GALNTL6: variants seen among roughly 807,000 people sequenced by gnomAD.
The protein encoded by GALNTL6 is polypeptide N-acetylgalactosaminyltransferase like 6.
GALNTL6 carries 46 observed loss-of-function variants against 73.7 expected under a neutral mutation model. That is an observed-to-expected ratio of 0.62 (90% CI 0.49 to 0.80). The LOEUF (loss-of-function observed/expected upper bound fraction) is 0.80, where lower values mean the gene tolerates loss of function less well. GALNTL6 is among the 30% of genes least tolerant of loss of function. The probability of loss-of-function intolerance (pLI) is 0.00; values close to 1 mark genes in which losing one functional copy is unlikely to be tolerated. For missense variants in GALNTL6, 604 were observed against 755.0 expected (o/e 0.80, Z 2.34); for synonymous variants, 259 against 263.7 (o/e 0.98, Z 0.17).
At chr4:172,806,139 A>G (rs2110975854) in intron 5 of GALNTL6, among the ~76,000 whole-genome samples, 1 of 152,274 alleles carries the variant, frequency 6.6e-6, no homozygotes, top group South Asian at 2.1e-4. Context: ...ATCATGAGTT[A>G]TAGGTAATTG....
chr4:172,964,556 A>C (rs1007654933), intron 10 of GALNTL6, among the ~76,000 whole-genome samples: 4 of 152,178 alleles, frequency 2.6e-5, no homozygotes, highest in African/African-American at 4.8e-5. Flanking sequence ...CCTCAAGATT[A>C]ATGTCACCCC....
intron 12 of GALNTL6, among the ~76,000 whole-genome samples, chr4:173,028,550 AC>A (rs1366268572): frequency 6.6e-6 from 1 of 151,628 alleles, no homozygotes; most frequent in African/African-American, 2.4e-5. Context: ...TAGCCCCCTC[AC>A]CCCCGCCAAC....
intron 3 of GALNTL6, among the ~76,000 whole-genome samples, chr4:172,232,187 T>A (rs1737096223): frequency 6.6e-6 from 1 of 152,076 alleles, no homozygotes; most frequent in South Asian, 2.1e-4. Flanking sequence ...AGGAAAAGGA[T>A]CATTTGTGCC....
chr4:171,845,558 G>A (rs918909734), intron 2 of GALNTL6, among the ~76,000 whole-genome samples: 1 of 152,132 alleles, frequency 6.6e-6, no homozygotes, highest in Non-Finnish European at 1.5e-5. Context: ...CTAATGGAAC[G>A]TGAGCATAAG....
rs5864143 is a variant in GALNTL6 at position 172,653,224 on chromosome 4, C to CTTTT, written c.554-156128_554-156125dup. Among the ~76,000 whole-genome samples the CTTTT allele has an allele frequency of 1.9e-3, 267 of 143,702 alleles. 3 individuals are homozygous for CTTTT. The highest frequency in any genetic ancestry group is 6.5e-3 in the African/African-American group (255 of 38,960). The allele number at this position is 143,702 out of a possible 152,430, so 94.3% of individuals were successfully genotyped here. Reference sequence around the variant, plus strand: ...TGTTATCTTTCTATTTCTCTTCTTCCTTTTTTTTTTTTGAGACAAAATTTC... The same window carrying CTTTT: ...TGTTATCTTTCTATTTCTCTTCTTCCTTTTTTTTTTTTTTTTGAGACAAAATTTC... On this transcript the variant is annotated intron_variant, in intron 5 of 12. Coordinates refer to ENST00000506823, the MANE Select transcript of GALNTL6 (RefSeq NM_001034845.3).
chr4:172,675,536 C>T (rs1732242021), intron 5 of GALNTL6, among the ~76,000 whole-genome samples: 1 of 152,188 alleles, frequency 6.6e-6, no homozygotes, highest in Admixed American at 6.5e-5. Context: ...TGGCACAGGT[C>T]TGGGTGCCTT....
At chr4:172,272,706 T>C (rs28699059) in intron 3 of GALNTL6, among the ~76,000 whole-genome samples, 19,132 of 152,170 alleles carry the variant, frequency 0.13, 1,300 homozygotes, top group East Asian at 0.3. Flanking sequence ...ACCTATAAAC[T>C]TTATGTTCTA....
At chr4:172,312,787 A>G (rs1473740729) in intron 4 of GALNTL6, among the ~76,000 whole-genome samples, 1 of 152,206 alleles carries the variant, frequency 6.6e-6, no homozygotes, top group African/African-American at 2.4e-5. Context: ...TTGTATCTTT[A>G]GAAATTTATT....
chr4:172,963,495 T>G (rs1750181289), intron 10 of GALNTL6, among the ~76,000 whole-genome samples: 1 of 152,218 alleles, frequency 6.6e-6, no homozygotes, highest in East Asian at 1.9e-4. Flanking sequence ...GTTGGTTTGT[T>G]GTGTTGCTAC....
chr4:172,424,899 A>G (rs1245812440), intron 5 of GALNTL6, among the ~76,000 whole-genome samples: 2 of 37,754 alleles, frequency 5.3e-5, no homozygotes, highest in Middle Eastern at 0.011. Flanking sequence ...AATTTTAGTC[A>G]TAGAAAACTA....
In GALNTL6 at chr4:171,988,585, C is replaced by T. The variant is rs532264672; in HGVS notation, c.138+173867C>T. ...AGGAGAGTATATGGGTTTGGCACCA[C>T]GGGGTGGATAGGCAAAACAATTCGG... On this transcript the variant is annotated intron_variant, in intron 2 of 12. Coordinates refer to ENST00000506823, the MANE Select transcript of GALNTL6 (RefSeq NM_001034845.3). Among the ~76,000 whole-genome samples the T allele has an allele frequency of 9.8e-4, 149 of 152,146 alleles. No individual in the cohort carries two copies. In the Middle Eastern group the frequency reaches 0.01, roughly 10 times the overall value.
chr4:172,501,843 A>T (rs898009719), intron 5 of GALNTL6, among the ~76,000 whole-genome samples: 2 of 152,120 alleles, frequency 1.3e-5, no homozygotes, highest in African/African-American at 4.8e-5. Flanking sequence ...ATTTTACCAT[A>T]TTATTTCATT....
intron 2 of GALNTL6, among the ~76,000 whole-genome samples, chr4:172,054,111 C>T (rs1036740789): frequency 7.9e-5 from 12 of 151,964 alleles, no homozygotes; most frequent in African/African-American, 2.9e-4. Flanking sequence ...CTTTCTAACG[C>T]TACACTTTAA....
At chr4:172,468,076 G>A (rs777751003) in intron 5 of GALNTL6, among the ~76,000 whole-genome samples, 3 of 151,612 alleles carry the variant, frequency 2.0e-5, no homozygotes, top group Non-Finnish European at 2.9e-5. Flanking sequence ...ACTTTTTGTA[G>A]AGATAAAGTC....
chr4:172,723,400 A>C (rs574812766), intron 5 of GALNTL6, among the ~76,000 whole-genome samples: 1 of 152,274 alleles, frequency 6.6e-6, no homozygotes, highest in South Asian at 2.1e-4. Context: ...ATACTTATTT[A>C]ACCTCATGGG....
chr4:172,152,423 G>A (rs1181895866), intron 2 of GALNTL6, among the ~76,000 whole-genome samples: 3 of 152,168 alleles, frequency 2.0e-5, no homozygotes, highest in Admixed American at 6.5e-5. Context: ...GCTTTCTCCA[G>A]GTGTTGTCTG....
At chr4:172,310,282 T>A (rs1277579998) in intron 3 of GALNTL6, among the ~76,000 whole-genome samples, 2 of 152,128 alleles carry the variant, frequency 1.3e-5, no homozygotes, top group Non-Finnish European at 2.9e-5. Context: ...TTTTTTTTTT[T>A]TTTAATATGA....
chr4:172,063,857 T>C (rs1731282137), intron 2 of GALNTL6, among the ~76,000 whole-genome samples: 1 of 152,200 alleles, frequency 6.6e-6, no homozygotes, highest in Admixed American at 6.5e-5. Flanking sequence ...AATGTTCTTC[T>C]GAAAAAAATA....
Position 172,608,938 on chromosome 4 carries a change from G to T in GALNTL6, c.554-200423G>T, listed in dbSNP as rs985028009. ...TTGGCTCTCAGCTTGGATGTTGTTG[G>T]TGTATAGAAATGCTACTAATTTTTG... On this transcript the variant is annotated intron_variant, in intron 5 of 12. Coordinates refer to ENST00000506823, the MANE Select transcript of GALNTL6 (RefSeq NM_001034845.3). Among the ~76,000 whole-genome samples the T allele has an allele frequency of 3.9e-5, 6 of 152,068 alleles. 1 individual carries two copies. In the East Asian group the frequency reaches 5.8e-4, roughly 15 times the overall value.
Sources: allele counts gnomAD v4.1 joint callset (sites outside exome capture counted in the v4.1 genomes callset), GRCh38; gene constraint gnomAD v4.1.1; transcripts MANE v1.5; gene names NCBI Gene and HGNC (gene_info 2026-07-23, HGNC 2026-07-21).